The following BCKDHB variants were observed in gnomAD, a reference collection of about 807,000 sequenced individuals.
The protein encoded by BCKDHB is 2-oxoisovalerate dehydrogenase subunit beta, mitochondrial.
A neutral mutation model predicts 48.5 loss-of-function variants in BCKDHB; 41 were observed. The observed-to-expected ratio is 0.85, with a 90% CI of 0.66 to 1.10. BCKDHB has a LOEUF of 1.10. Among genes scored for constraint, BCKDHB ranks in the 50% least tolerant of loss-of-function variants. The probability of loss-of-function intolerance (pLI) is 0.00; values close to 1 mark genes in which losing one functional copy is unlikely to be tolerated. For missense variants in BCKDHB, 496 were observed against 494.2 expected, an observed-to-expected ratio of 1.00 and a Z score of -0.03; for synonymous variants, 201 against 174.8, an observed-to-expected ratio of 1.15 and a Z score of -1.18.
the BCKDHB span, among the ~76,000 whole-genome samples, chr6:80,400,386 C>A: frequency 1.3e-5 from 2 of 151,890 alleles, no homozygotes; most frequent in South Asian, 2.1e-4. Context: ...ACCGAAAAAA[C>A]CACCCCATTA....
chr6:80,161,116 T>G (rs536034014), intron 3 of BCKDHB, among the ~76,000 whole-genome samples: 16 of 152,270 alleles, frequency 1.1e-4, no homozygotes, highest in African/African-American at 3.8e-4. Context: ...CTGAGCTTGG[T>G]TTGCAGCACT....
intron 9 of BCKDHB, among the ~76,000 whole-genome samples, chr6:80,296,732 G>A (rs1767277807): frequency 6.6e-6 from 1 of 151,976 alleles, no homozygotes; most frequent in Admixed American, 6.6e-5. Flanking sequence ...TGGAAAAACT[G>A]AATGATGCCC....
At chr6:80,252,729 T>C (rs2127937564) in intron 8 of BCKDHB, among the ~76,000 whole-genome samples, 1 of 152,308 alleles carries the variant, frequency 6.6e-6, no homozygotes, top group Non-Finnish European at 1.5e-5. Context: ...TTTTACAAAG[T>C]ATAGTTATGT....
chr6:80,377,745 T>C, the BCKDHB span, among the ~76,000 whole-genome samples: 6 of 152,230 alleles, frequency 3.9e-5, no homozygotes, highest in Non-Finnish European at 7.3e-5. Flanking sequence ...TTGCAGTAAA[T>C]TTTGAAATAC....
chr6:80,293,268 C>G (rs548547983), intron 9 of BCKDHB, among the ~76,000 whole-genome samples: 1 of 152,328 alleles, frequency 6.6e-6, no homozygotes, highest in African/African-American at 2.4e-5. Context: ...GCCTGGACAT[C>G]CAGATATTTC....
At chr6:80,251,051 C>G (rs1234950999) in intron 8 of BCKDHB, among the ~76,000 whole-genome samples, 1 of 152,284 alleles carries the variant, frequency 6.6e-6, no homozygotes, top group South Asian at 2.1e-4. Context: ...GGCTTCACTA[C>G]TGACTAGATA....
chr6:80,447,613 AC>A, the BCKDHB span, among the ~76,000 whole-genome samples: 1 of 152,056 alleles, frequency 6.6e-6, no homozygotes, highest in Non-Finnish European at 1.5e-5. Context: ...CTCCTGCCTA[AC>A]CCTTTTGTCC....
the BCKDHB span, among the ~76,000 whole-genome samples, chr6:80,428,058 T>C: frequency 6.6e-6 from 1 of 151,862 alleles, no homozygotes; most frequent in Non-Finnish European, 1.5e-5. Flanking sequence ...GTGTGTGATG[T>C]TCCCCTCCCT....
intron 8 of BCKDHB, among the ~76,000 whole-genome samples, chr6:80,236,529 G>T (rs1220047630): frequency 6.6e-6 from 1 of 152,136 alleles, no homozygotes; most frequent in African/African-American, 2.4e-5. Context: ...TGTTTACATG[G>T]GTAAAAAGCT....
chr6:80,287,359 T>C (rs572299510), intron 9 of BCKDHB, among the ~76,000 whole-genome samples: 1 of 152,248 alleles, frequency 6.6e-6, no homozygotes, highest in East Asian at 1.9e-4. Flanking sequence ...AGATTAGTGA[T>C]AATGGAGTTA....
chr6:80,381,732 G>A, the BCKDHB span, among the ~76,000 whole-genome samples: 3 of 151,990 alleles, frequency 2.0e-5, no homozygotes, highest in South Asian at 2.1e-4. Flanking sequence ...CTAACTACCA[G>A]CCACAATGTT....
At chr6:80,243,544 A>G (rs1185830475) in intron 8 of BCKDHB, among the ~76,000 whole-genome samples, 2 of 152,134 alleles carry the variant, frequency 1.3e-5, no homozygotes, top group Non-Finnish European at 2.9e-5. Flanking sequence ...CTCTCTCTAT[A>G]TTTTTTGAGT....
At chr6:80,177,585 TAAAA>T (rs1254508868) in intron 6 of BCKDHB, among the ~76,000 whole-genome samples, 1 of 152,108 alleles carries the variant, frequency 6.6e-6, no homozygotes, top group Non-Finnish European at 1.5e-5. Flanking sequence ...ATTTTGCTGA[TAAAA>T]AAGTGATTCC....
intron 5 of BCKDHB, among the ~76,000 whole-genome samples, chr6:80,169,633 T>C (rs1772790925): frequency 6.6e-6 from 1 of 152,202 alleles, no homozygotes; most frequent in Non-Finnish European, 1.5e-5. Flanking sequence ...TTTTTATGTC[T>C]TAATTTTTTG....
chr6:80,405,391 A>C, the BCKDHB span, among the ~76,000 whole-genome samples: 1 of 151,996 alleles, frequency 6.6e-6, no homozygotes, highest in Admixed American at 6.6e-5. Flanking sequence ...TACTATCTTT[A>C]TTCATCTTTT....
At chr6:80,114,192 C>G (rs1183149383) in intron 1 of BCKDHB, among the ~76,000 whole-genome samples, 1 of 151,448 alleles carries the variant, frequency 6.6e-6, no homozygotes, top group Non-Finnish European at 1.5e-5. Context: ...AGACCCTATT[C>G]TGCCTCAAAG....
At chr6:80,260,568 G>A (rs1777257897) in intron 8 of BCKDHB, among the ~76,000 whole-genome samples, 1 of 152,112 alleles carries the variant, frequency 6.6e-6, no homozygotes, top group African/African-American at 2.4e-5. Context: ...AATTCCAAAT[G>A]CCATAATTAC....
At chr6:80,327,191 A>C (rs1769073746) in intron 9 of BCKDHB, among the ~76,000 whole-genome samples, 1 of 152,204 alleles carries the variant, frequency 6.6e-6, no homozygotes, top group Non-Finnish European at 1.5e-5. Context: ...TCAAAAATAC[A>C]TTTAATACAC....
chr6:80,307,681 C>A (rs1227017737), intron 9 of BCKDHB: 6 of 973,328 alleles, frequency 6.2e-6, no homozygotes, highest in Non-Finnish European at 7.3e-6. Context: ...CACATTAGGC[C>A]TATTTTAACA....
Sources: gnomAD v4.1 joint callset for allele counts (sites outside exome capture counted in the v4.1 genomes callset) on GRCh38, gnomAD v4.1.1 for gene constraint, MANE v1.5 for transcripts, NCBI Gene and HGNC (gene_info 2026-07-23, HGNC 2026-07-21) for gene names.